Variants in VPS13B observed in about 807,000 individuals in gnomAD.
VPS13B encodes the protein vacuolar protein sorting 13 homolog B.
A neutral mutation model predicts 426.4 loss-of-function variants in VPS13B; 285 were observed. The ratio of observed to expected loss-of-function variants is 0.67; its 90% confidence interval spans 0.61 to 0.74. The LOEUF is 0.74. Among genes scored for constraint, VPS13B ranks in the 30% least tolerant of loss-of-function variants. VPS13B has a pLI of 0.00. For missense variants in VPS13B, 4,537 were observed against 4,782.6 expected, an observed-to-expected ratio of 0.95 and a Z score of 1.51; for synonymous variants, 1,676 against 1,676.4, an observed-to-expected ratio of 1.00 and a Z score of 0.01.
At chr8:99,532,423 A>G (rs149074308) in intron 30 of VPS13B, among the ~76,000 whole-genome samples, 55 of 152,272 alleles carry the variant, frequency 3.6e-4, no homozygotes, top group Middle Eastern at 3.4e-3. Flanking sequence ...TTTATAAGTG[A>G]GACTTCTGAA....
Position 99,038,554 on chromosome 8 carries a change from G to A in VPS13B, c.279G>A (p.Lys93=), listed in dbSNP as rs780220962. ...INTMECILKL[K]DGIQDDHESC... Reference sequence around the variant, plus strand: ...CTATGGAATGCATTTTGAAACTTAAGGATGGGATACAGGTAAGAAATTATT... The same window carrying A: ...CTATGGAATGCATTTTGAAACTTAAAGATGGGATACAGGTAAGAAATTATT... Residue 93 remains lysine (K), a synonymous_variant, in exon 3 of 62, where the codon AAG becomes AAA. Coordinates refer to ENST00000357162, the MANE Select transcript of VPS13B (RefSeq NM_152564.5). 8.1e-6 allele frequency: 13 copies of A among 1,612,444 alleles called. No individual in the cohort carries two copies. Among genetic ancestry groups the A allele is most frequent in the Non-Finnish European group, 1.0e-5 (12 of 1,179,128 alleles).
chr8:99,176,036 T>C (rs954264091), intron 16 of VPS13B, among the ~76,000 whole-genome samples: 8 of 152,166 alleles, frequency 5.3e-5, no homozygotes, highest in African/African-American at 1.9e-4. Context: ...CCTGAGCAGT[T>C]CCTCTCTACA....
intron 35 of VPS13B, among the ~76,000 whole-genome samples, chr8:99,681,180 G>C (rs1831141028): frequency 6.6e-6 from 1 of 152,184 alleles, no homozygotes; most frequent in Admixed American, 6.5e-5. Flanking sequence ...ACAATAAACA[G>C]TGCTGTTTCA....
At chr8:99,691,452 G>A (rs1487590508) in intron 35 of VPS13B, among the ~76,000 whole-genome samples, 1 of 151,880 alleles carries the variant, frequency 6.6e-6, no homozygotes, top group African/African-American at 2.4e-5. Flanking sequence ...TAAAAACATG[G>A]GGAGAAAGGA....
At chr8:99,434,319 A>G (rs1047529103) in intron 22 of VPS13B, among the ~76,000 whole-genome samples, 3 of 152,204 alleles carry the variant, frequency 2.0e-5, no homozygotes, top group Admixed American at 6.5e-5. Context: ...TTGGAAGTGT[A>G]TTCTTTCCCA....
chr8:99,087,616 T>G (rs1350056360), intron 3 of VPS13B, among the ~76,000 whole-genome samples: 2 of 133,766 alleles, frequency 1.5e-5, no homozygotes, highest in East Asian at 4.2e-4. Flanking sequence ...TGTTTTTTTG[T>G]TTTTTTTTTT....
intron 54 of VPS13B, among the ~76,000 whole-genome samples, chr8:99,841,685 C>T (rs1356941556): frequency 6.6e-6 from 1 of 152,146 alleles, no homozygotes; most frequent in Admixed American, 6.5e-5. Context: ...TCAGTGTCTT[C>T]CTTTCTCTCT....
chr8:99,391,459 T>G, intron 20 of VPS13B, 98 bp from the exon 21 acceptor site: 2 of 1,585,200 alleles, frequency 1.3e-6, no homozygotes, highest in Non-Finnish European at 8.6e-7. Context: ...CCCCAACTTG[T>G]GAAGGACTGT....
At chr8:99,439,882 C>A (rs1817595282) in intron 22 of VPS13B, among the ~76,000 whole-genome samples, 2 of 152,078 alleles carry the variant, frequency 1.3e-5, no homozygotes, top group South Asian at 4.1e-4. Flanking sequence ...CATATAGGGC[C>A]AAGGACTTAC....
At chr8:99,787,989 A>G (rs1489058606) in intron 43 of VPS13B, among the ~76,000 whole-genome samples, 1 of 152,158 alleles carries the variant, frequency 6.6e-6, no homozygotes, top group African/African-American at 2.4e-5. Flanking sequence ...AGACAGAGCT[A>G]TGGAAAATAA....
chr8:99,640,010 TAATAATAATAATAATAAG>T (rs1405424288), intron 33 of VPS13B, among the ~76,000 whole-genome samples: 4 of 72,570 alleles, frequency 5.5e-5, no homozygotes, highest in East Asian at 5.8e-4. Context: ...ATAATAATAA[TAATAATAATAATAATAAG>T]AAGAAGAAGA....
intron 33 of VPS13B, among the ~76,000 whole-genome samples, chr8:99,639,861 C>T (rs1306214655): frequency 6.7e-6 from 1 of 148,754 alleles, no homozygotes; most frequent in Non-Finnish European, 1.5e-5. Context: ...ATCCTAGCTC[C>T]TCCGAAGGCT....
intron 3 of VPS13B, among the ~76,000 whole-genome samples, chr8:99,088,318 C>T (rs1845955436): frequency 6.6e-6 from 1 of 151,906 alleles, no homozygotes; most frequent in Non-Finnish European, 1.5e-5. Flanking sequence ...CATGGTCAGG[C>T]ATCTGTTTTT....
intron 25 of VPS13B, among the ~76,000 whole-genome samples, chr8:99,496,502 T>C (rs1304749995): frequency 2.0e-5 from 3 of 152,020 alleles, no homozygotes; most frequent in African/African-American, 7.2e-5. Flanking sequence ...ATATAAAAAC[T>C]TACCCAGGCG....
At chr8:99,086,909 T>C (rs1398341485) in intron 3 of VPS13B, among the ~76,000 whole-genome samples, 3 of 152,104 alleles carry the variant, frequency 2.0e-5, no homozygotes, top group Non-Finnish European at 4.4e-5. Flanking sequence ...GGGTCAGGGA[T>C]CCACTTGAGG....
chr8:99,307,221 ATGTT>A (rs1385128314), intron 19 of VPS13B, among the ~76,000 whole-genome samples: 2 of 152,134 alleles, frequency 1.3e-5, no homozygotes, highest in African/African-American at 4.8e-5. Context: ...CTATCTCTGT[ATGTT>A]TGTATATATT....
chr8:99,750,171 G>T (rs148639146), intron 39 of VPS13B, among the ~76,000 whole-genome samples: 1 of 151,942 alleles, frequency 6.6e-6, no homozygotes, highest in Non-Finnish European at 1.5e-5. Flanking sequence ...ATATTCATTC[G>T]TGATGAAGTA....
intron 42 of VPS13B, among the ~76,000 whole-genome samples, chr8:99,782,695 G>A (rs1812077103): frequency 6.6e-6 from 1 of 152,054 alleles, no homozygotes; most frequent in Admixed American, 6.6e-5. Flanking sequence ...TGGAGCTGGA[G>A]TGTCCTGAGC....
At chr8:99,477,479 T>G (rs1218384405) in intron 24 of VPS13B, among the ~76,000 whole-genome samples, 1 of 152,238 alleles carries the variant, frequency 6.6e-6, no homozygotes, top group African/African-American at 2.4e-5. Context: ...CCCATTAAGA[T>G]TGCATACTGA....
Sources: allele counts gnomAD v4.1 joint callset (sites outside exome capture counted in the v4.1 genomes callset), GRCh38; gene constraint gnomAD v4.1.1; transcripts MANE v1.5; gene names NCBI Gene and HGNC (gene_info 2026-07-23, HGNC 2026-07-21).